SLC4A10: variants seen among roughly 807,000 people sequenced by gnomAD.
SLC4A10 encodes sodium-driven chloride bicarbonate exchanger.
In SLC4A10, 42 loss-of-function variants were observed where a neutral mutation model predicts 137.7. The observed-to-expected ratio is 0.30, with a 90% CI of 0.24 to 0.39. The LOEUF (loss-of-function observed/expected upper bound fraction) is 0.39, where lower values mean the gene tolerates loss of function less well. Among genes scored for constraint, SLC4A10 ranks in the 10% least tolerant of loss-of-function variants. The pLI, the probability that SLC4A10 is intolerant of heterozygous loss-of-function variation, is 1.00. For synonymous variants in SLC4A10, 474 were observed against 464.1 expected (o/e 1.02, Z -0.27); for missense variants, 925 against 1,355.0 (o/e 0.68, Z 4.98).
chr2:161,627,310 T>C (rs575556055), intron 1 of SLC4A10, among the ~76,000 whole-genome samples: 1 of 152,188 alleles, frequency 6.6e-6, no homozygotes, highest in South Asian at 2.1e-4. Flanking sequence ...AGACTCTTCA[T>C]AGTGGAGGTG....
At chr2:161,784,300 A>G (rs1261813679) in intron 2 of SLC4A10, among the ~76,000 whole-genome samples, 1 of 151,882 alleles carries the variant, frequency 6.6e-6, no homozygotes, top group African/African-American at 2.4e-5. Context: ...GGATATTTCA[A>G]TACCTCATTT....
chr2:161,852,857 T>C (rs1384085333), intron 4 of SLC4A10, among the ~76,000 whole-genome samples: 1 of 152,220 alleles, frequency 6.6e-6, no homozygotes, highest in Non-Finnish European at 1.5e-5. Context: ...ATTTGTCTCA[T>C]CATTTTACCT....
chr2:161,947,430 C>A, intron 16 of SLC4A10, 136 bp from the exon 17 acceptor site: 1 of 852,758 alleles, frequency 1.2e-6, no homozygotes, highest in Non-Finnish European at 1.7e-6. Context: ...AATGTAATGC[C>A]TGCTAAATCA....
At chr2:161,841,405 C>A (rs201257185) in intron 4 of SLC4A10, among the ~76,000 whole-genome samples, 4 of 152,038 alleles carry the variant, frequency 2.6e-5, no homozygotes, top group African/African-American at 7.2e-5. Flanking sequence ...TTTTGTTAGG[C>A]TATCTCTTCC....
chr2:161,938,581 G>C (rs1692034213), intron 15 of SLC4A10, among the ~76,000 whole-genome samples: 1 of 151,320 alleles, frequency 6.6e-6, no homozygotes, highest in Non-Finnish European at 1.5e-5. Context: ...ATGCTAGGCT[G>C]CCTTCTGCTG....
intron 1 of SLC4A10, among the ~76,000 whole-genome samples, chr2:161,731,196 C>T (rs566104388): frequency 1.3e-5 from 2 of 152,038 alleles, no homozygotes; most frequent in African/African-American, 4.8e-5. Context: ...ATGAGAATCT[C>T]TTTTTAAAAA....
intron 1 of SLC4A10, among the ~76,000 whole-genome samples, chr2:161,696,489 T>G (rs1225552393): frequency 8.9e-6 from 1 of 111,904 alleles, no homozygotes; most frequent in Non-Finnish European, 1.7e-5. Context: ...CAGAGTGTGA[T>G]GTTCCCCTTC....
At chr2:161,927,620 C>T (rs1689417499) in intron 15 of SLC4A10, among the ~76,000 whole-genome samples, 1 of 152,160 alleles carries the variant, frequency 6.6e-6, no homozygotes, top group Non-Finnish European at 1.5e-5. Context: ...GCAACCTACT[C>T]ATCTGACAAA....
At chr2:161,744,157 A>C (rs2048185402) in intron 1 of SLC4A10, among the ~76,000 whole-genome samples, 1 of 152,110 alleles carries the variant, frequency 6.6e-6, no homozygotes, top group Non-Finnish European at 1.5e-5. Context: ...TAGGACTTCC[A>C]GTACTATGGT....
At chr2:161,888,138 C>A (rs181851960) in intron 10 of SLC4A10, among the ~76,000 whole-genome samples, 1 of 152,082 alleles carries the variant, frequency 6.6e-6, no homozygotes, top group African/African-American at 2.4e-5. Flanking sequence ...TTTCTGAGGT[C>A]TCTGTTCTGT....
intron 1 of SLC4A10, among the ~76,000 whole-genome samples, chr2:161,703,047 A>G (rs1463150379): frequency 6.6e-6 from 1 of 151,784 alleles, no homozygotes; most frequent in Non-Finnish European, 1.5e-5. Flanking sequence ...TGGCAAGACA[A>G]TGAGTAAACA....
chr2:161,839,289 G>T (rs79805764), intron 3 of SLC4A10, among the ~76,000 whole-genome samples: 2,126 of 152,292 alleles, frequency 0.014, 56 homozygotes, highest in African/African-American at 0.049. Flanking sequence ...CCAGATCAGT[G>T]GTTGCTGGGG....
At chr2:161,967,095 G>GA (rs200713664) in intron 23 of SLC4A10, among the ~76,000 whole-genome samples, 16 of 149,828 alleles carry the variant, frequency 1.1e-4, no homozygotes, top group East Asian at 7.8e-4. Context: ...GATGAGAAAA[G>GA]AAAAAAAAAA....
chr2:161,646,924 T>C (rs952957494), intron 1 of SLC4A10, among the ~76,000 whole-genome samples: 2 of 152,050 alleles, frequency 1.3e-5, no homozygotes, highest in African/African-American at 4.8e-5. Flanking sequence ...ATTATCTTAG[T>C]TACGAAGAGT....
intron 1 of SLC4A10, among the ~76,000 whole-genome samples, 179 bp from the exon 2 acceptor site, chr2:161,770,794 C>T (rs574734795): frequency 6.6e-6 from 1 of 151,728 alleles, no homozygotes; most frequent in Non-Finnish European, 1.5e-5. Flanking sequence ...AATATGTGGT[C>T]AAATTTATTT....
intron 20 of SLC4A10, among the ~76,000 whole-genome samples, chr2:161,957,485 G>A (rs1438938930): frequency 1.3e-5 from 2 of 152,110 alleles, no homozygotes; most frequent in Non-Finnish European, 2.9e-5. Context: ...GTAAATTATT[G>A]TAACAATTTT....
At chr2:161,657,344 C>CA in intron 1 of SLC4A10, among the ~76,000 whole-genome samples, 1 of 151,752 alleles carries the variant, frequency 6.6e-6, no homozygotes, top group Non-Finnish European at 1.5e-5. Context: ...AAAAATAGAT[C>CA]AAAAAATGTT....
chr2:161,897,934 A>G (rs2063685568), intron 11 of SLC4A10, among the ~76,000 whole-genome samples: 1 of 152,138 alleles, frequency 6.6e-6, no homozygotes. Context: ...TGTTTTTGAA[A>G]ACACCTTTGT....
intron 1 of SLC4A10, among the ~76,000 whole-genome samples, chr2:161,699,862 T>A (rs533832035): frequency 6.6e-6 from 1 of 152,318 alleles, no homozygotes; most frequent in South Asian, 2.1e-4. Flanking sequence ...ATTTCTTATT[T>A]CCTGGATTTG....
Sources: gnomAD v4.1 joint callset for allele counts (sites outside exome capture counted in the v4.1 genomes callset) on GRCh38, gnomAD v4.1.1 for gene constraint, MANE v1.5 for transcripts, NCBI Gene and HGNC (gene_info 2026-07-23, HGNC 2026-07-21) for gene names.